PTPRG: variants seen among roughly 807,000 people sequenced by gnomAD.
The protein encoded by PTPRG is receptor-type tyrosine-protein phosphatase gamma.
A neutral mutation model predicts 165.3 loss-of-function variants in PTPRG; 102 were observed. The observed-to-expected ratio is 0.62, with a 90% CI of 0.53 to 0.73. PTPRG has a LOEUF of 0.73. Among genes scored for constraint, PTPRG ranks in the 30% least tolerant of loss-of-function variants. PTPRG has a pLI of 0.00. For missense variants in PTPRG, 1,866 were observed against 1,861.4 expected (o/e 1.00, Z -0.05); for synonymous variants, 675 against 669.5 (o/e 1.01, Z -0.13).
intron 4 of PTPRG, among the ~76,000 whole-genome samples, chr3:62,035,199 C>T (rs1031913925): frequency 1.3e-5 from 2 of 152,168 alleles, no homozygotes; most frequent in African/African-American, 2.4e-5. Context: ...ATTTTCTCTT[C>T]CCCAAGTAAA....
At chr3:61,773,779 C>CT (rs113250439) in intron 2 of PTPRG, among the ~76,000 whole-genome samples, 20,504 of 144,720 alleles carry the variant, frequency 0.14, 1,817 homozygotes, top group East Asian at 0.46. Context: ...CCCCCATTGA[C>CT]TTTTTTTTTT....
chr3:61,921,930 GT>G (rs2039087294), intron 2 of PTPRG, among the ~76,000 whole-genome samples: 1 of 152,082 alleles, frequency 6.6e-6, no homozygotes, highest in Non-Finnish European at 1.5e-5. Context: ...CCTTACTTGA[GT>G]TTCCACAACC....
intron 4 of PTPRG, among the ~76,000 whole-genome samples, chr3:62,071,288 C>T (rs1328850512): frequency 1.3e-5 from 2 of 152,098 alleles, no homozygotes; most frequent in South Asian, 2.1e-4. Context: ...GGAAATAAAA[C>T]GTAGAGCTTT....
intron 17 of PTPRG, among the ~76,000 whole-genome samples, chr3:62,264,812 G>C (rs910111263): frequency 6.6e-6 from 1 of 152,110 alleles, no homozygotes; most frequent in Non-Finnish European, 1.5e-5. Flanking sequence ...ATACGTAGGA[G>C]TAGAATTTGC....
At chr3:61,705,415 G>A (rs962753948) in intron 1 of PTPRG, among the ~76,000 whole-genome samples, 2 of 152,018 alleles carry the variant, frequency 1.3e-5, no homozygotes, top group African/African-American at 4.8e-5. Flanking sequence ...TTTGTCAGGG[G>A]TTTCAGGCTT....
intron 2 of PTPRG, among the ~76,000 whole-genome samples, chr3:61,989,391 A>G (rs115494296): frequency 0.013 from 1,955 of 152,340 alleles, 39 homozygotes; most frequent in South Asian, 0.072. Context: ...CTGATTAAAG[A>G]TAAAGTTAGC....
intron 6 of PTPRG, among the ~76,000 whole-genome samples, chr3:62,143,576 T>G (rs1483426440): frequency 6.6e-6 from 1 of 152,152 alleles, no homozygotes. Flanking sequence ...TTTTTAATTT[T>G]TTTGCCCTTG....
intron 2 of PTPRG, chr3:61,770,222 TG>T (rs1279000237): frequency 6.6e-6 from 1 of 152,154 alleles, no homozygotes; most frequent in Non-Finnish European, 1.5e-5. Flanking sequence ...GCTTAGTTAA[TG>T]GGGTATATGT....
chr3:61,859,215 G>T (rs1384034969), intron 2 of PTPRG, among the ~76,000 whole-genome samples: 1 of 152,050 alleles, frequency 6.6e-6, no homozygotes, highest in Non-Finnish European at 1.5e-5. Context: ...TCTTTATAAT[G>T]AGAATACCAT....
chr3:62,289,910 A>G (rs1702818343), intron 28 of PTPRG, among the ~76,000 whole-genome samples: 1 of 152,232 alleles, frequency 6.6e-6, no homozygotes, highest in African/African-American at 2.4e-5. Flanking sequence ...AGAAGATAGA[A>G]GAAGCGTAAA....
intron 8 of PTPRG, among the ~76,000 whole-genome samples, chr3:62,183,909 A>C (rs1025244130): frequency 6.6e-6 from 1 of 152,194 alleles, no homozygotes; most frequent in Non-Finnish European, 1.5e-5. Flanking sequence ...AATGCCCCTG[A>C]CATCTTTATT....
chr3:61,657,779 C>A lies in PTPRG; in HGVS notation c.86-91099C>A, dbSNP rs115363012. On this transcript the variant is annotated intron_variant, in intron 1 of 29. Transcript: ENST00000474889. ...TACAACTGAGCATTTAGAGTTCCCA[C>A]GCTTAAAAAGTGGGAGCTGTTCCCA... Among the ~76,000 whole-genome samples the A allele has an allele frequency of 6.1e-3, 922 of 152,304 alleles. 8 individuals are homozygous for A. The highest frequency in any genetic ancestry group is 0.02 in the African/African-American group (834 of 41,556).
chr3:61,952,332 G>A (rs1163897982), intron 2 of PTPRG, among the ~76,000 whole-genome samples: 1 of 152,040 alleles, frequency 6.6e-6, no homozygotes, highest in Admixed American at 6.6e-5. Context: ...ACAGGTTTGT[G>A]AGCTGGGAGT....
intron 1 of PTPRG, among the ~76,000 whole-genome samples, chr3:61,729,409 A>G (rs1010792906): frequency 8.5e-5 from 13 of 152,202 alleles, no homozygotes; most frequent in African/African-American, 3.1e-4. Flanking sequence ...TGGGTTTCAT[A>G]GAGTAGGCTA....
intron 2 of PTPRG, among the ~76,000 whole-genome samples, chr3:61,982,190 C>T (rs1040546071): frequency 6.6e-6 from 1 of 152,108 alleles, no homozygotes; most frequent in Non-Finnish European, 1.5e-5. Context: ...AGGTCTGGAA[C>T]GAACTCATCT....
intron 14 of PTPRG, 58 bp downstream of exon 14, chr3:62,231,369 A>T (rs910835831): frequency 7.0e-7 from 1 of 1,427,750 alleles, no homozygotes; most frequent in African/African-American, 1.5e-5. Flanking sequence ...TGGCTTGCCA[A>T]ATTTTTGTTT....
chr3:62,033,869 G>A (rs1699854985), intron 4 of PTPRG, among the ~76,000 whole-genome samples: 1 of 152,164 alleles, frequency 6.6e-6, no homozygotes, highest in Admixed American at 6.5e-5. Flanking sequence ...CCAGGTTCAA[G>A]CGATTCTCTT....
chr3:61,828,865 A>G (rs906006442), intron 2 of PTPRG, among the ~76,000 whole-genome samples: 1 of 152,228 alleles, frequency 6.6e-6, no homozygotes, highest in Non-Finnish European at 1.5e-5. Context: ...ATTTGGGCCA[A>G]TAACCTATAT....
chr3:61,897,105 A>C (rs1429401395), intron 2 of PTPRG, among the ~76,000 whole-genome samples: 3 of 152,080 alleles, frequency 2.0e-5, no homozygotes, highest in African/African-American at 7.2e-5. Flanking sequence ...TCAGTTTATC[A>C]AATTTTCCTT....
Sources: allele counts gnomAD v4.1 joint callset (sites outside exome capture counted in the v4.1 genomes callset), GRCh38; gene constraint gnomAD v4.1.1; transcripts MANE v1.5; gene names NCBI Gene and HGNC (gene_info 2026-07-23, HGNC 2026-07-21).